The following ADCY2 variants were observed in gnomAD, a reference collection of about 807,000 sequenced individuals.
ADCY2 encodes the protein adenylate cyclase 2.
A neutral mutation model predicts 125.2 loss-of-function variants in ADCY2; 31 were observed. That is an observed-to-expected ratio of 0.25 (90% confidence interval 0.19 to 0.33). ADCY2 has a LOEUF of 0.33. Among genes scored for constraint, ADCY2 ranks in the 10% least tolerant of loss-of-function variants. The probability of loss-of-function intolerance (pLI) is 1.00; values close to 1 mark genes in which losing one functional copy is unlikely to be tolerated. For missense variants in ADCY2, 904 were observed against 1,418.2 expected (o/e 0.64, Z 5.82); for synonymous variants, 512 against 548.4 (o/e 0.93, Z 0.93).
chr5:7,429,600 AC>A (rs1361812670), intron 2 of ADCY2, among the ~76,000 whole-genome samples: 5 of 152,234 alleles, frequency 3.3e-5, no homozygotes, highest in Admixed American at 3.3e-4. Context: ...CAAATCAATA[AC>A]ATTAAAAAGT....
chr5:7,756,455 TAAAAA>T (rs902682030), intron 15 of ADCY2, among the ~76,000 whole-genome samples: 1 of 151,834 alleles, frequency 6.6e-6, no homozygotes, highest in African/African-American at 2.4e-5. Context: ...TATGAATGGA[TAAAAA>T]AAAGTATAGA....
At chr5:7,666,776 C>A (rs1049006584) in intron 4 of ADCY2, among the ~76,000 whole-genome samples, 3 of 152,232 alleles carry the variant, frequency 2.0e-5, no homozygotes, top group African/African-American at 7.2e-5. Context: ...CCCCTGGCTT[C>A]CTGCCTTCCT....
chr5:7,416,540 G>A (rs761934891), intron 2 of ADCY2, among the ~76,000 whole-genome samples: 7 of 152,142 alleles, frequency 4.6e-5, no homozygotes, highest in Non-Finnish European at 8.8e-5. Context: ...GTAAACATGA[G>A]AGGGAGAAAG....
chr5:7,647,264 G>A (rs1440578593), intron 4 of ADCY2, among the ~76,000 whole-genome samples: 1 of 152,158 alleles, frequency 6.6e-6, no homozygotes, highest in Non-Finnish European at 1.5e-5. Context: ...TCAGTTTTCT[G>A]ACCTGTAACA....
chr5:7,438,513 G>A lies in ADCY2; in HGVS notation c.408+23743G>A, dbSNP rs181888702. ...TAGCAATGATGACTTGGATGATGTA[G>A]GAGACCAACATCTACTATAAAGAGA... On this transcript the variant is annotated intron_variant, in intron 2 of 24. Coordinates refer to ENST00000338316, the MANE Select transcript of ADCY2 (RefSeq NM_020546.3). Among the ~76,000 whole-genome samples the A allele has an allele frequency of 4.5e-3, 679 of 152,300 alleles. 9 individuals carry two copies. The highest frequency in any genetic ancestry group is 0.02 in the Middle Eastern group (6 of 294).
At chr5:7,602,061 C>A (rs964736269) in intron 3 of ADCY2, among the ~76,000 whole-genome samples, 3 of 152,162 alleles carry the variant, frequency 2.0e-5, no homozygotes, top group Non-Finnish European at 4.4e-5. Flanking sequence ...CTTCACATGG[C>A]CTTCTGCACT....
At position 7,755,552 on chromosome 5, in the gene ADCY2, C is replaced by T. The variant is rs548159210; in HGVS notation, c.1957-1897C>T. 2.0e-5 allele frequency among the ~76,000 whole-genome samples: 3 copies of T among 152,276 alleles called. No homozygotes were observed. In the East Asian group the frequency reaches 5.8e-4, roughly 29 times the overall value. On this transcript the variant is annotated intron_variant, in intron 15 of 24. Transcript: ENST00000338316. ...ATTGAAATAACAGGAAGAGCTAACA[C>T]TTGTAAGTCCTGTTGCACGCACCTT... is the stretch of plus-strand genomic sequence containing the variant.
chr5:7,674,999 CA>C (rs1561159931), intron 4 of ADCY2, among the ~76,000 whole-genome samples: 1 of 151,740 alleles, frequency 6.6e-6, no homozygotes, highest in Non-Finnish European at 1.5e-5. Flanking sequence ...ACTAAAAATA[CA>C]AAAAATTAGC....
chr5:7,613,187 C>T (rs1011495833), intron 3 of ADCY2, among the ~76,000 whole-genome samples: 4 of 151,884 alleles, frequency 2.6e-5, no homozygotes, highest in Non-Finnish European at 4.4e-5. Context: ...CACACAAGAG[C>T]TGTTAACTCA....
intron 3 of ADCY2, among the ~76,000 whole-genome samples, chr5:7,574,268 A>G (rs549982856): frequency 6.7e-6 from 1 of 150,138 alleles, no homozygotes; most frequent in Non-Finnish European, 1.5e-5. Flanking sequence ...TCATTTGGGT[A>G]TATACCCAGT....
At chr5:7,584,114 A>G (rs945850717) in intron 3 of ADCY2, among the ~76,000 whole-genome samples, 2 of 152,098 alleles carry the variant, frequency 1.3e-5, no homozygotes, top group Non-Finnish European at 2.9e-5. Context: ...CCACATCTTT[A>G]TAGGGTTTTT....
rs114752655 is a variant in ADCY2, at chr5:7,464,204, C to A, written c.408+49434C>A. ...AGGGCTGAAGCTGGGTCAGATCAGG[C>A]ACACACCTTTCCTGTTGTCCTCCAG... On this transcript the variant is annotated intron_variant, in intron 2 of 24. Coordinates refer to ENST00000338316, the MANE Select transcript of ADCY2 (RefSeq NM_020546.3). Among the ~76,000 whole-genome samples, 732 of 152,206 alleles carry A rather than the reference C, an allele frequency of 4.8e-3. 7 individuals are homozygous for A. Among genetic ancestry groups the A allele is most frequent in the African/African-American group, 0.017 (712 of 41,518 alleles).
chr5:7,704,351 C>T (rs138765140), intron 7 of ADCY2, among the ~76,000 whole-genome samples: 86 of 152,308 alleles, frequency 5.6e-4, no homozygotes, highest in African/African-American at 1.6e-3. Context: ...CCAGGCACCA[C>T]GGCAGAGGCA....
At chr5:7,708,167 A>T (rs1269449798) in intron 9 of ADCY2, 1 of 191,970 alleles carries the variant, frequency 5.2e-6, no homozygotes, top group Admixed American at 5.9e-5. Context: ...GATACCTGTC[A>T]GTTGGGAAAT....
At chr5:7,804,540 G>T (rs774419324) in intron 21 of ADCY2, 45 bp from the exon 22 acceptor site, 137 of 1,447,748 alleles carry the variant, frequency 9.5e-5, no homozygotes, top group Non-Finnish European at 1.3e-4. Context: ...TCAGCTTCAG[G>T]TCAGCATCCA....
intron 21 of ADCY2, among the ~76,000 whole-genome samples, chr5:7,803,513 C>T (rs1309731941): frequency 6.6e-6 from 1 of 152,174 alleles, no homozygotes; most frequent in Non-Finnish European, 1.5e-5. Context: ...CCGTTCTTAT[C>T]CCTACCTTTC....
chr5:7,826,183 G>A (rs534785089), intron 24 of ADCY2, among the ~76,000 whole-genome samples: 3 of 152,188 alleles, frequency 2.0e-5, no homozygotes, highest in Admixed American at 6.5e-5. Flanking sequence ...GCGACCATTG[G>A]CAGGAGTCTA....
intron 4 of ADCY2, among the ~76,000 whole-genome samples, chr5:7,638,233 G>A (rs1738574929): frequency 6.6e-6 from 1 of 152,096 alleles, no homozygotes; most frequent in Non-Finnish European, 1.5e-5. Context: ...CTGGCTCCTC[G>A]TGAGGCAGAT....
chr5:7,768,780 T>C (rs1335012341), intron 17 of ADCY2, among the ~76,000 whole-genome samples: 2 of 152,184 alleles, frequency 1.3e-5, no homozygotes, highest in Non-Finnish European at 2.9e-5. Context: ...CTAGGTGGGA[T>C]TTAGTAAACA....
Sources: allele counts gnomAD v4.1 joint callset (sites outside exome capture counted in the v4.1 genomes callset), GRCh38; gene constraint gnomAD v4.1.1; transcripts MANE v1.5; gene names NCBI Gene and HGNC (gene_info 2026-07-23, HGNC 2026-07-21).